The following HELZ2 variants were observed in gnomAD, a reference collection of about 807,000 sequenced individuals.
The protein encoded by HELZ2 is 3'-5' exoribonuclease HELZ2.
In HELZ2, 143 loss-of-function variants were observed where a neutral mutation model predicts 208.8. The observed-to-expected ratio is 0.68, with a 90% confidence interval of 0.60 to 0.79. The LOEUF is 0.79. HELZ2 is among the 30% of genes least tolerant of loss of function. The pLI is 0.00. For missense variants in HELZ2, 3,690 were observed against 3,794.5 expected, an observed-to-expected ratio of 0.97 and a Z score of 0.72; for synonymous variants, 1,705 against 1,693.7, an observed-to-expected ratio of 1.01 and a Z score of -0.16.
At chr20:63,570,139 CA>C in intron 3 of HELZ2, 2 of 153,712 alleles carry the variant, frequency 1.3e-5, no homozygotes, top group South Asian at 5.7e-5. Flanking sequence ...TTTTTTTTTT[CA>C]GTAGAGACGG....
rs143144040 is a variant in HELZ2, at chr20:63,561,480, C to A, written c.6837-14G>T. 605 of 1,599,408 alleles carry A rather than the reference C, an allele frequency of 3.8e-4. 5 individuals are homozygous for A. In the East Asian group the frequency reaches 0.013, roughly 34 times the overall value. ...AGGGTGATGCTCCTGGGGGACAGGA[C>A]ACAGTGAGCCCTGTCCACGCAGGGC... On this transcript the variant is annotated splice_polypyrimidine_tract_variant and intron_variant, in intron 12 of 18. Coordinates refer to ENST00000467148, the Ensembl canonical transcript of HELZ2.
rs1466714339 is a variant in HELZ2 at position 63,568,690 on chromosome 20, G to A, written c.1398C>T (p.Val466=). The A allele has an allele frequency of 3.2e-5, 51 of 1,605,802 alleles. No individual in the cohort carries two copies. In the East Asian group the frequency reaches 1.1e-3, roughly 35 times the overall value. ...GGTCAATCTGGAACTGCACCTCCAG[G>A]ACCAGGCGGGCCTCAGGCTGCAGCC... Residue 466 remains valine (V), a synonymous_variant, in exon 5 of 19, where the codon GTC becomes GTT. Coordinates refer to ENST00000467148, the Ensembl canonical transcript of HELZ2.
exon 8 of HELZ2, chr20:63,564,096 G>C: frequency 1.9e-6 from 3 of 1,609,020 alleles, no homozygotes; most frequent in Non-Finnish European, 1.7e-6. Flanking sequence ...TGCAGTGACA[G>C]GGGCACCCGG....
In HELZ2 at chr20:63,566,050, G is replaced by T; in HGVS notation, c.2772C>A (p.Cys924Ter). 6.3e-7 allele frequency: 1 copy of T among 1,588,768 alleles called. No homozygotes were observed. The highest frequency in any genetic ancestry group is 8.5e-7 in the Non-Finnish European group (1 of 1,173,254). Residue 924 changes from cysteine (C) to a stop codon, truncating the protein, a stop_gained, in exon 8 of 19, where the codon TGC becomes TGA. Coordinates refer to ENST00000467148, the Ensembl canonical transcript of HELZ2. LOFTEE classifies it high-confidence loss of function. ...GGATGAAGCTCTCCCAGAGCTTGCCGCAGGCCCCGAAGGAGCAGAGGGCCA... is the reference window on the plus strand; with the variant it reads ...GGATGAAGCTCTCCCAGAGCTTGCCTCAGGCCCCGAAGGAGCAGAGGGCCA...
upstream of HELZ2, among the ~76,000 whole-genome samples, chr20:63,573,711 G>A (rs1307018464): frequency 3.9e-5 from 6 of 152,168 alleles, no homozygotes; most frequent in Admixed American, 3.3e-4. The surrounding 1 kb of genome is among the most constrained non-coding windows in gnomAD (Gnocchi z 4.9). Flanking sequence ...CCTGGGGAGG[G>A]GCCTCACGGA....
At chr20:63,562,856 A>G (rs777690029) in exon 8 of HELZ2, 12 of 1,607,932 alleles carry the variant, frequency 7.5e-6, no homozygotes, top group East Asian at 2.2e-5. Flanking sequence ...GGCGGCCTCC[A>G]GGCGGAAGGC....
chr20:63,560,805 T>G, exon 15 of HELZ2: 2 of 1,612,208 alleles, frequency 1.2e-6, no homozygotes, highest in Middle Eastern at 1.7e-4. Flanking sequence ...CATGCGGTAC[T>G]GAGTGTCCAG....
intron 14 of HELZ2, 37 bp downstream of exon 15, chr20:63,561,045 C>G: frequency 6.3e-7 from 1 of 1,598,880 alleles, no homozygotes; most frequent in Non-Finnish European, 8.5e-7. Flanking sequence ...GTGCCAGGGA[C>G]GCCTGCTCAT....
exon 6 of HELZ2, chr20:63,567,529 A>C: frequency 1.9e-6 from 3 of 1,565,664 alleles, no homozygotes; most frequent in Non-Finnish European, 1.7e-6. Context: ...CGTCTGGCTC[A>C]GCGGCCGGTC....
exon 8 of HELZ2, chr20:63,564,072 G>A: frequency 1.9e-6 from 3 of 1,607,470 alleles, no homozygotes; most frequent in Non-Finnish European, 1.7e-6. Context: ...CCGCCGTGCA[G>A]GTGGTGGCCG....
At chr20:63,561,363 C>T (rs375736217) in exon 13 of HELZ2, 15 of 1,613,036 alleles carry the variant, frequency 9.3e-6, no homozygotes, top group Non-Finnish European at 1.3e-5. Context: ...ACCAGGTCCT[C>T]CCTGGAGAAG....
exon 18 of HELZ2, chr20:63,559,964 C>T: frequency 6.2e-7 from 1 of 1,611,990 alleles, no homozygotes; most frequent in Non-Finnish European, 8.5e-7. Flanking sequence ...CGCGTGACAG[C>T]CACATTCACT....
At chr20:63,572,111 G>T in exon 1 of HELZ2, 1 of 1,607,882 alleles carries the variant, frequency 6.2e-7, no homozygotes, top group Non-Finnish European at 8.5e-7. Flanking sequence ...TCCTTACTTT[G>T]GGCAGAGCTC....
exon 5 of HELZ2, chr20:63,568,471 C>T (rs2082985445): frequency 1.3e-6 from 2 of 1,593,008 alleles, no homozygotes; most frequent in Non-Finnish European, 1.7e-6. Flanking sequence ...AGATGAGTAG[C>T]GGGGGGACAC....
exon 8 of HELZ2, chr20:63,566,065 G>A: frequency 1.3e-6 from 2 of 1,589,072 alleles, no homozygotes; most frequent in Non-Finnish European, 1.7e-6. Context: ...CCCCGAAGGA[G>A]CAGAGGGCCA....
chr20:63,570,698 C>G (rs1202142619), exon 2 of HELZ2: 5 of 1,506,458 alleles, frequency 3.3e-6, no homozygotes, highest in Non-Finnish European at 4.5e-6. Context: ...AAGGACCTCA[C>G]TGCTGCTGCG....
At chr20:63,560,888 G>T in exon 15 of HELZ2, 1 of 1,613,172 alleles carries the variant, frequency 6.2e-7, no homozygotes, top group South Asian at 1.1e-5. Context: ...GCTCATTCTT[G>T]ACCACAGGCC....
rs1353932380 is a variant in HELZ2, at chr20:63,559,526, GA to G, written c.7826-157del. On this transcript the variant is annotated intron_variant, in intron 18 of 18. Transcript: ENST00000467148. ...GTCAGGGTCAGATGGGAGTCAGTCAGAGTCAGGTGGGAGGAGTCAGGGTCAG... is the reference window on the plus strand; with the variant it reads ...GTCAGGGTCAGATGGGAGTCAGTCAGGTCAGGTGGGAGGAGTCAGGGTCAG... Among the ~76,000 whole-genome samples, 13 of 61,678 alleles carry G rather than the reference GA, an allele frequency of 2.1e-4. 1 individual carries two copies. The highest frequency in any genetic ancestry group is 2.7e-4 in the Admixed American group (2 of 7,302). 40.5% of individuals were successfully genotyped at this position (61,678 alleles called of 152,430 possible).
intron 1 of HELZ2, 141 bp downstream of exon 2, chr20:63,571,967 T>G: frequency 1.1e-6 from 1 of 920,506 alleles, no homozygotes; most frequent in Non-Finnish European, 1.6e-6. Context: ...TACGGTGGGC[T>G]CCTGCCCTAC....
Sources: gnomAD v4.1 joint callset for allele counts (sites outside exome capture counted in the v4.1 genomes callset) on GRCh38, gnomAD v4.1.1 for gene constraint, Gnocchi (gnomAD v3.1) non-coding constraint, MANE v1.5 for transcripts, NCBI Gene and HGNC (gene_info 2026-07-23, HGNC 2026-07-21) for gene names.